ANXA8L1: variants seen among roughly 807,000 people sequenced by gnomAD.
The protein encoded by ANXA8L1 is annexin A8-like protein 1.
Under a neutral mutation model 22.5 loss-of-function variants are expected in ANXA8L1, and 10 were observed. The ratio of observed to expected loss-of-function variants is 0.44; its 90% confidence interval spans 0.27 to 0.75. ANXA8L1 has a LOEUF of 0.75. ANXA8L1 is among the 30% of genes least tolerant of loss of function. The pLI, the probability that ANXA8L1 is intolerant of heterozygous loss-of-function variation, is 0.15. For missense variants in ANXA8L1, 88 were observed against 219.6 expected (o/e 0.40, Z 3.79); for synonymous variants, 36 against 86.0 (o/e 0.42, Z 3.22).
intron 7 of ANXA8L1, 90 bp downstream of exon 7, chr10:46,384,923 G>C: frequency 6.3e-7 from 1 of 1,593,658 alleles, no homozygotes. Flanking sequence ...CTGACACTGG[G>C]CTGGGACCCA....
chr10:46,390,446 C>T (rs1172579698), intron 11 of ANXA8L1, among the ~76,000 whole-genome samples: 3 of 111,610 alleles, frequency 2.7e-5, no homozygotes, highest in Admixed American at 1.7e-4. Flanking sequence ...CCTCCACCCC[C>T]GGCCCTGCTC....
At chr10:46,378,876 CGATGGATGGATG>C (rs377442622) in intron 1 of ANXA8L1, among the ~76,000 whole-genome samples, 18 of 133,652 alleles carry the variant, frequency 1.3e-4, no homozygotes, top group African/African-American at 2.2e-4. Flanking sequence ...CCCAGGGCTT[CGATGGATGGATG>C]GATGGATGGA....
At position 46,383,549 on chromosome 10, in the gene ANXA8L1, A is replaced by G; in HGVS notation, c.412+3A>G. The G allele has an allele frequency of 1.4e-6, 1 of 723,198 alleles. No homozygotes were observed. Among genetic ancestry groups the G allele is most frequent in the South Asian group, 1.8e-5 (1 of 55,916 alleles). The allele number at this position is 723,198 out of a possible 1,614,324, so 44.8% of individuals were successfully genotyped here. A position where few individuals can be genotyped will look rare whatever the true frequency, so the allele number is the denominator to read the frequency against. On this transcript the variant is annotated splice_donor_region_variant and intron_variant, in intron 5 of 11. Coordinates refer to ENST00000619162, the MANE Select transcript of ANXA8L1 (RefSeq NM_001098845.3). The stretch of plus-strand genomic sequence containing the variant: ...GATAATGAAGGCGTATGAGGAAGGT[A>G]AGGGGTGGCACAGATGGAGGGGCTC...
At chr10:46,390,593 GA>G (rs1357351987) in intron 11 of ANXA8L1, among the ~76,000 whole-genome samples, 1 of 145,442 alleles carries the variant, frequency 6.9e-6, no homozygotes, top group Non-Finnish European at 1.5e-5. Flanking sequence ...TGGGACAGCT[GA>G]CCCCTTCCTT....
chr10:46,385,360 T>C lies in ANXA8L1; in HGVS notation c.553-20T>C. The C allele has an allele frequency of 2.4e-6, 2 of 823,678 alleles. No homozygotes were observed. The highest frequency in any genetic ancestry group is 3.5e-6 in the Non-Finnish European group (2 of 565,254). 51.0% of individuals were successfully genotyped at this position (823,678 alleles called of 1,614,324 possible). A position where few individuals can be genotyped will look rare whatever the true frequency, so the allele number is the denominator to read the frequency against. On this transcript the variant is annotated intron_variant, in intron 7 of 11. Coordinates refer to ENST00000619162, the MANE Select transcript of ANXA8L1 (RefSeq NM_001098845.3). ...TCCCTGGTCTCCCTCACTGGCTTAT[T>C]GTGGGTGTCCCAATGCTAGGATCTG... is the stretch of plus-strand genomic sequence containing the variant.
Position 46,385,449 on chromosome 10 carries a change from C to T in ANXA8L1, c.622C>T (p.Arg208Cys), listed in dbSNP as rs1411464466. ...GAAATTCATCACCATCCTGTGCACG[C>T]GCAGTGCCACTCACCTGCTGAGAGG... The part of the protein sequence containing the change: ...EMKFITILCT[R>C]SATHLLRVFE... Residue 208 changes from arginine (R) to cysteine (C), a missense_variant, in exon 8 of 12, where the codon CGC becomes TGC. Physicochemically the swap from Arg to Cys is radical, Grantham distance 180 (BLOSUM62 -3). Coordinates refer to ENST00000619162, the MANE Select transcript of ANXA8L1 (RefSeq NM_001098845.3). The T allele has an allele frequency of 9.5e-4, 1,121 of 1,184,630 alleles. 253 individuals are homozygous for T. The African/African-American group carries it at 0.014, about 14-fold the overall frequency. The allele number at this position is 1,184,630 out of a possible 1,614,324, so 73.4% of individuals were successfully genotyped here.
chr10:46,376,141 T>G, intron 1 of ANXA8L1, among the ~76,000 whole-genome samples: 2 of 137,792 alleles, frequency 1.5e-5, no homozygotes, highest in Non-Finnish European at 3.1e-5. Context: ...TTGAGAAGAG[T>G]CCAGGGGAGG....
chr10:46,379,155 C>A (rs1198029872), intron 1 of ANXA8L1, among the ~76,000 whole-genome samples: 1 of 151,488 alleles, frequency 6.6e-6, no homozygotes, highest in South Asian at 2.1e-4. Flanking sequence ...TTCCTCCACC[C>A]AAAACACACT....
chr10:46,384,708 C>A (rs1165730251), intron 6 of ANXA8L1, 66 bp from the exon 7 acceptor site: 9 of 1,611,510 alleles, frequency 5.6e-6, no homozygotes, highest in Non-Finnish European at 7.6e-6. Flanking sequence ...AGCCCAGGAT[C>A]CCCCCTGTGC....
intron 1 of ANXA8L1, among the ~76,000 whole-genome samples, chr10:46,377,551 C>T: frequency 8.6e-6 from 1 of 116,112 alleles, no homozygotes; most frequent in East Asian, 2.0e-4. Flanking sequence ...GTCCATACCC[C>T]ATGTGAGAGC....
intron 5 of ANXA8L1, 82 bp from the exon 6 acceptor site, chr10:46,384,124 G>T: frequency 4.4e-6 from 1 of 228,512 alleles, no homozygotes. Context: ...AGAAGTATGG[G>T]GAACAGGGCT....
rs1348532703 is a variant in ANXA8L1, at chr10:46,375,819, C to T, written c.-33C>T. The T allele has an allele frequency of 1.2e-6, 2 of 1,608,960 alleles. No individual in the cohort carries two copies. Among genetic ancestry groups the T allele is most frequent in the African/African-American group, 2.7e-5 (2 of 73,564 alleles). ...CAGAGGCCAACCTGTGTCTCTTCAT[C>T]TCCGTGAGAAAGGTGCCCCCGAAGT... On this transcript the variant is annotated 5_prime_UTR_variant, in exon 1 of 12. Transcript: ENST00000619162.
In ANXA8L1 at chr10:46,382,625, G is replaced by A; in HGVS notation, c.254G>A (p.Arg85Lys). 7.0e-6 allele frequency: 9 copies of A among 1,290,870 alleles called. 3 individuals carry two copies. The Admixed American group carries it at 9.2e-5, about 13-fold the overall frequency. The allele number at this position is 1,290,870 out of a possible 1,614,324, so 80.0% of individuals were successfully genotyped here. Residue 85 changes from arginine (R) to lysine (K), a missense_variant, in exon 4 of 12, where the codon AGG (arginine) becomes AAG (lysine). Physicochemically the swap from Arg to Lys is conservative, Grantham distance 26 (BLOSUM62 2). Coordinates refer to ENST00000619162, the MANE Select transcript of ANXA8L1 (RefSeq NM_001098845.3). ...TCTGAGCTCAGTGGCAAGTTTGAGA[G>A]GCTCATTGTGGCCCTTATGTATCCG... ...LKSELSGKFE[R>K]LIVALMYPPY...
intron 11 of ANXA8L1, among the ~76,000 whole-genome samples, chr10:46,389,792 G>A (rs1272778323): frequency 6.6e-6 from 1 of 151,550 alleles, no homozygotes; most frequent in African/African-American, 2.4e-5. Context: ...CAACGCAGGA[G>A]GATCGCTTGA....
In ANXA8L1 at chr10:46,384,818, C is replaced by T. The variant is rs1447103728; in HGVS notation, c.537C>T (p.Ala179=). 5.6e-6 allele frequency: 9 copies of T among 1,613,024 alleles called. 1 individual carries two copies. The African/African-American group carries it at 1.1e-4, about 19-fold the overall frequency. ...GCAGCTTTGTGGACCCGGCACTGGC[C>T]CTCCAAGACGCACAGGTGAGGCTGC... ...DVSSFVDPAL[A]LQDAQDLYAA... Residue 179 remains alanine, a synonymous_variant, in exon 7 of 12, where the codon GCC becomes GCT. Transcript: ENST00000619162.
intron 1 of ANXA8L1, 31 bp downstream of exon 1, chr10:46,375,903 C>T (rs1554974174): frequency 2.4e-6 from 3 of 1,267,298 alleles, no homozygotes; most frequent in Middle Eastern, 2.7e-4. Flanking sequence ...GATTTGCGTT[C>T]CTGCATGGTG....
chr10:46,381,469 G>A lies in ANXA8L1; in HGVS notation c.207+229G>A, dbSNP rs1400422529. 84 of 406,212 alleles carry A rather than the reference G, an allele frequency of 2.1e-4. 10 individuals carry two copies. In the East Asian group the frequency reaches 2.3e-3, roughly 11 times the overall value. 25.2% of individuals were successfully genotyped at this position (406,212 alleles called of 1,614,324 possible). ...ACTTTTAGGTGTCAGAGCCCGGGCC[G>A]GGGGCTGGCCTTCCTTGCTTCCTTT... On this transcript the variant is annotated intron_variant, in intron 3 of 11. Transcript: ENST00000619162.
At chr10:46,390,530 T>C (rs1840069796) in intron 11 of ANXA8L1, among the ~76,000 whole-genome samples, 1 of 145,948 alleles carries the variant, frequency 6.9e-6, no homozygotes, top group Admixed American at 6.9e-5. Flanking sequence ...TAATGATGCA[T>C]CGTGTTGTGT....
intron 11 of ANXA8L1, among the ~76,000 whole-genome samples, chr10:46,390,035 C>T (rs1840060556): frequency 6.6e-6 from 1 of 150,784 alleles, no homozygotes; most frequent in African/African-American, 2.5e-5. Context: ...TAGCCCCAGT[C>T]TACCCCTTAC....
Sources: allele counts gnomAD v4.1 joint callset (sites outside exome capture counted in the v4.1 genomes callset), GRCh38; gene constraint gnomAD v4.1.1; transcripts MANE v1.5; gene names NCBI Gene and HGNC (gene_info 2026-07-23, HGNC 2026-07-21).